Variants in UBA6 observed in about 807,000 individuals in gnomAD.
UBA6 encodes ubiquitin like modifier activating enzyme 6.
Under a neutral mutation model 148.3 loss-of-function variants are expected in UBA6, and 87 were observed. The ratio of observed to expected loss-of-function variants is 0.59; its 90% CI spans 0.49 to 0.70. The LOEUF (loss-of-function observed/expected upper bound fraction) is 0.70, where lower values mean the gene tolerates loss of function less well. Ranked by LOEUF, UBA6 falls within the 30% of genes least tolerant of loss-of-function variation. The pLI is 0.00. For missense variants in UBA6, 1,186 were observed against 1,241.2 expected, an observed-to-expected ratio of 0.96 and a Z score of 0.67; for synonymous variants, 376 against 401.0, an observed-to-expected ratio of 0.94 and a Z score of 0.75.
Position 67,665,285 on chromosome 4 carries a change from C to T in UBA6, c.801G>A (p.Ser267=), listed in dbSNP as rs769653725. The T allele has an allele frequency of 1.3e-5, 21 of 1,589,534 alleles. No individual in the cohort carries two copies. The highest frequency in any genetic ancestry group is 5.5e-5 in the African/African-American group (4 of 73,296). ...TGTCACCAATACTAAAAGAAAATGG[C>T]GATATCACTAGAAGACAAAAAATTT... ...NGSIQQITVI[S]PFSFSIGDTT... Residue 267 remains serine (S), a synonymous_variant, in exon 10 of 33, where the codon TCG becomes TCA. Coordinates refer to ENST00000322244, the MANE Select transcript of UBA6 (RefSeq NM_018227.6).
At chr4:67,686,010 A>G (rs1266349381) in intron 2 of UBA6, among the ~76,000 whole-genome samples, 8 of 152,202 alleles carry the variant, frequency 5.3e-5, no homozygotes, top group Admixed American at 3.9e-4. Flanking sequence ...TGAAGTTCAT[A>G]ATGTTAACAG....
rs1729045836 is a variant in UBA6, at chr4:67,633,430, A to G, written c.2057T>C (p.Ile686Thr). The G allele has an allele frequency of 1.9e-6, 3 of 1,610,552 alleles. No individual in the cohort carries two copies. Among genetic ancestry groups the G allele is most frequent in the Non-Finnish European group, 2.5e-6 (3 of 1,179,182 alleles). Reference sequence around the variant, plus strand: ...TCTAGGTCTTCTGCTAAGTAACTTTATAACTTGAAAACAGCCTTCTAAACT... The same window carrying G: ...TCTAGGTCTTCTGCTAAGTAACTTTGTAACTTGAAAACAGCCTTCTAAACT... ...GHSLEGCFQVIKLLSRRPRNW... is the reference protein window; with the variant it reads ...GHSLEGCFQVTKLLSRRPRNW... The change falls in exon 23 of 33, where the codon ATA (isoleucine) becomes ACA (threonine). Residue 686 changes from isoleucine to threonine, a missense_variant. Coordinates refer to ENST00000322244, the MANE Select transcript of UBA6 (RefSeq NM_018227.6).
intron 2 of UBA6, among the ~76,000 whole-genome samples, chr4:67,695,055 G>GA (rs1730800573): frequency 6.6e-6 from 1 of 152,140 alleles, no homozygotes; most frequent in South Asian, 2.1e-4. Flanking sequence ...CTGGCCTACT[G>GA]AAAATTATGT....
intron 15 of UBA6, 152 bp from the exon 16 acceptor site, chr4:67,646,168 T>A (rs1729417684): frequency 2.2e-6 from 1 of 445,856 alleles, no homozygotes. Flanking sequence ...AAAGCCTCCA[T>A]AAAGAAATCC....
rs1728863306 is a variant in UBA6 at position 67,626,215 on chromosome 4, A to G, written c.2518+145T>C. 4.8e-6 allele frequency: 3 copies of G among 626,902 alleles called. No individual in the cohort carries two copies. The South Asian group carries it at 5.4e-5, about 11-fold the overall frequency. The allele number at this position is 626,902 out of a possible 1,614,324, so 38.8% of individuals were successfully genotyped here. ...AATTTAGTCACAGTTAAAGATGAAC[A>G]CTGACTTTAATATGATCATGAAATC... On this transcript the variant is annotated intron_variant, in intron 28 of 32. Transcript: ENST00000322244.
intron 15 of UBA6, 41 bp downstream of exon 15, chr4:67,646,683 T>C: frequency 6.8e-7 from 1 of 1,480,214 alleles, no homozygotes; most frequent in Non-Finnish European, 9.4e-7. Context: ...TTTTAAAATC[T>C]ATTTGCCTGT....
rs903439056 is a variant in UBA6, at chr4:67,635,440, T to C, written c.1842+13A>G. Reference sequence around the variant, plus strand: ...TAAAAAAGACATCTATTTCAAAATATTGATTCACTTACATGACTATTGTAA... The same window carrying C: ...TAAAAAAGACATCTATTTCAAAATACTGATTCACTTACATGACTATTGTAA... On this transcript the variant is annotated intron_variant, in intron 20 of 32. Coordinates refer to ENST00000322244, the MANE Select transcript of UBA6 (RefSeq NM_018227.6). 8.3e-6 allele frequency: 12 copies of C among 1,450,246 alleles called. No individual in the cohort carries two copies. The highest frequency in any genetic ancestry group is 1.1e-5 in the Non-Finnish European group (11 of 1,040,066). 89.8% of individuals were successfully genotyped at this position (1,450,246 alleles called of 1,614,324 possible).
intron 32 of UBA6, 126 bp downstream of exon 32, chr4:67,622,705 T>C (rs116297307): frequency 2.2e-5 from 14 of 648,784 alleles, no homozygotes; most frequent in Non-Finnish European, 3.3e-5. Flanking sequence ...ACTGTCTTTA[T>C]TAATGTCATT....
At chr4:67,675,318 G>A (rs1049392757) in intron 6 of UBA6, among the ~76,000 whole-genome samples, 5 of 151,962 alleles carry the variant, frequency 3.3e-5, no homozygotes, top group African/African-American at 1.2e-4. Context: ...ACATCTGCCT[G>A]GTCTTTTTCA....
intron 23 of UBA6, 106 bp from the exon 24 acceptor site, chr4:67,632,014 C>A: frequency 9.7e-7 from 1 of 1,032,152 alleles, no homozygotes; most frequent in Non-Finnish European, 1.4e-6. Flanking sequence ...GCACATGATT[C>A]AAAAATCAAA....
Position 67,698,823 on chromosome 4 carries a change from A to C in UBA6, c.72-2116T>G, listed in dbSNP as rs556047093. On this transcript the variant is annotated intron_variant, in intron 1 of 32. Coordinates refer to ENST00000322244, the MANE Select transcript of UBA6 (RefSeq NM_018227.6). ...AAAAATACAAAAATTAGCCAGATGTAGTAGCAGGCGCCTGTATTCCCAGCT... is the reference window on the plus strand; with the variant it reads ...AAAAATACAAAAATTAGCCAGATGTCGTAGCAGGCGCCTGTATTCCCAGCT... Among the ~76,000 whole-genome samples the C allele has an allele frequency of 1.1e-3, 174 of 152,088 alleles. 2 individuals carry two copies. The highest frequency in any genetic ancestry group is 3.8e-3 in the African/African-American group (157 of 41,488).
In UBA6 at chr4:67,646,034, T is replaced by C. The variant is rs2109916879; in HGVS notation, c.1317-18A>G. Reference sequence around the variant, plus strand: ...TATCTCCTCTGAAAAAAATAACATATACCAAAAAGCAGAAATAAAAAACAT... The same window carrying C: ...TATCTCCTCTGAAAAAAATAACATACACCAAAAAGCAGAAATAAAAAACAT... On this transcript the variant is annotated intron_variant, in intron 15 of 32. Transcript: ENST00000322244. 1 of 1,443,512 alleles carries C rather than the reference T, an allele frequency of 6.9e-7. No homozygotes were observed. The highest frequency in any genetic ancestry group is 9.4e-7 in the Non-Finnish European group (1 of 1,058,724). The allele number at this position is 1,443,512 out of a possible 1,614,324, so 89.4% of individuals were successfully genotyped here.
At chr4:67,665,386 T>C in intron 9 of UBA6, 94 bp from the exon 10 acceptor site, 2 of 771,462 alleles carry the variant, frequency 2.6e-6, no homozygotes, top group Non-Finnish European at 4.1e-6. Flanking sequence ...ATCCCTAATT[T>C]ACAAAATTAA....
At chr4:67,700,895 AC>A (rs1011016976) in intron 1 of UBA6, among the ~76,000 whole-genome samples, 153 bp downstream of exon 1, 23 of 152,170 alleles carry the variant, frequency 1.5e-4, no homozygotes, top group African/African-American at 5.3e-4. Context: ...ACGTCGCCAC[AC>A]CCACTCCGCG....
At chr4:67,642,519 C>T (rs1321918414) in intron 17 of UBA6, among the ~76,000 whole-genome samples, 4 of 151,948 alleles carry the variant, frequency 2.6e-5, no homozygotes, top group Non-Finnish European at 5.9e-5. Flanking sequence ...TACACACTGC[C>T]CACACAACCT....
chr4:67,694,494 C>T (rs1488721375), intron 2 of UBA6, among the ~76,000 whole-genome samples: 2 of 151,746 alleles, frequency 1.3e-5, no homozygotes, highest in Non-Finnish European at 2.9e-5. Context: ...CCGGTTCATG[C>T]CATTCTCCTG....
intron 13 of UBA6, among the ~76,000 whole-genome samples, chr4:67,650,742 C>T (rs908139731): frequency 1.3e-5 from 2 of 152,036 alleles, no homozygotes; most frequent in East Asian, 1.9e-4. Flanking sequence ...TAACAAAACA[C>T]AGTCCTAAGA....
At chr4:67,661,084 T>C (rs1190516053) in intron 13 of UBA6, among the ~76,000 whole-genome samples, 1 of 152,188 alleles carries the variant, frequency 6.6e-6, no homozygotes, top group East Asian at 1.9e-4. Context: ...AGGAAGTAAC[T>C]AACTTGCTTC....
At chr4:67,625,844 T>A (rs1728854438) in intron 28 of UBA6, among the ~76,000 whole-genome samples, 1 of 151,966 alleles carries the variant, frequency 6.6e-6, no homozygotes, top group African/African-American at 2.4e-5. Flanking sequence ...TTCCTGTATT[T>A]TTATATTTAA....
Sources: allele counts gnomAD v4.1 joint callset (sites outside exome capture counted in the v4.1 genomes callset), GRCh38; gene constraint gnomAD v4.1.1; transcripts MANE v1.5; gene names NCBI Gene and HGNC (gene_info 2026-07-23, HGNC 2026-07-21).